CELF2: variants seen among roughly 807,000 people sequenced by gnomAD.
CELF2 encodes the protein CUGBP Elav-like family member 2.
Under a neutral mutation model 62.6 loss-of-function variants are expected in CELF2, and 8 were observed. The observed-to-expected ratio is 0.13, with a 90% CI of 0.07 to 0.23. CELF2 has a LOEUF of 0.23. Ranked by LOEUF, CELF2 falls within the 10% of genes least tolerant of loss-of-function variation. The pLI is 1.00. For missense variants in CELF2, 333 were observed against 671.0 expected (o/e 0.50, Z 5.56); for synonymous variants, 258 against 250.0 (o/e 1.03, Z -0.30).
Position 11,010,457 on chromosome 10 carries a change from G to A in CELF2, c.53+5017G>A, listed in dbSNP as rs2056255827. The stretch of plus-strand genomic sequence containing the variant: ...TAACAAAGATAGGGGTGGGGGTGTT[G>A]AAATAAGGAATAAAAATGAAACTTA... On this transcript the variant is annotated intron_variant, in intron 1 of 12. Coordinates refer to the CELF2 transcript ENST00000416382. The surrounding 1 kb of genome is among the most constrained non-coding windows in gnomAD (Gnocchi z 4.1). 6.6e-6 allele frequency among the ~76,000 whole-genome samples: 1 copy of A among 152,170 alleles called. No individual in the cohort carries two copies. Among genetic ancestry groups the A allele is most frequent in the African/African-American group, 2.4e-5 (1 of 41,430 alleles).
At chr10:10,634,669 T>TTC in the CELF2 span, among the ~76,000 whole-genome samples, 1 of 150,392 alleles carries the variant, frequency 6.6e-6, no homozygotes, top group African/African-American at 2.4e-5. Flanking sequence ...TTCTTTTCTT[T>TTC]TTTTTTTTTT....
In CELF2 at chr10:11,224,156, C is replaced by T. The variant is rs1490716599; in HGVS notation, c.354+6649C>T. On this transcript the variant is annotated intron_variant, in intron 3 of 12. Coordinates refer to ENST00000633077, the MANE Select transcript of CELF2 (RefSeq NM_001326342.2). This position sits in a 1 kb window ranked among gnomAD's most constrained non-coding sequence, Gnocchi z 4.5. Reference sequence around the variant, plus strand: ...ACAGGATTACAGTAGGGAATAGCCACACCACTTTTGGCCTCAGAACCCAGT... The same window carrying T: ...ACAGGATTACAGTAGGGAATAGCCATACCACTTTTGGCCTCAGAACCCAGT... 6.6e-6 allele frequency among the ~76,000 whole-genome samples: 1 copy of T among 152,192 alleles called. No individual in the cohort carries two copies. The highest frequency in any genetic ancestry group is 1.9e-4 in the East Asian group (1 of 5,194).
the CELF2 span, among the ~76,000 whole-genome samples, chr10:10,624,806 T>G: frequency 6.6e-6 from 1 of 152,192 alleles, no homozygotes; most frequent in Non-Finnish European, 1.5e-5. Flanking sequence ...TCTGCACTGC[T>G]GAAATAACTC....
At chr10:10,923,195 C>T (rs1354298664) in intron 2 of CELF2, 3 of 152,140 alleles carry the variant, frequency 2.0e-5, no homozygotes, top group Non-Finnish European at 4.4e-5. Context: ...TTTTTCTGCA[C>T]TTAGTCATAA....
chr10:10,748,609 A>G, the CELF2 span, among the ~76,000 whole-genome samples: 1 of 151,934 alleles, frequency 6.6e-6, no homozygotes, highest in Non-Finnish European at 1.5e-5. Context: ...GTAGCCGGCC[A>G]TGGTCATGGG....
chr10:10,635,206 G>C, the CELF2 span, among the ~76,000 whole-genome samples: 1 of 152,116 alleles, frequency 6.6e-6, no homozygotes, highest in Admixed American at 6.5e-5. Context: ...CACATCATTT[G>C]TCCAGTTGCC....
intron 1 of CELF2, among the ~76,000 whole-genome samples, chr10:10,888,381 G>A (rs2061905766): frequency 6.6e-6 from 1 of 152,110 alleles, no homozygotes; most frequent in Non-Finnish European, 1.5e-5. Context: ...GGATGAGTTG[G>A]GGGAACAGTT....
intron 1 of CELF2, among the ~76,000 whole-genome samples, chr10:11,047,628 T>A (rs1209844594): frequency 6.6e-6 from 1 of 152,186 alleles, no homozygotes; most frequent in Non-Finnish European, 1.5e-5. Flanking sequence ...CTTTTCTGTG[T>A]AGATTCAATA....
chr10:11,210,040 C>G (rs760322072), intron 2 of CELF2, among the ~76,000 whole-genome samples: 4 of 152,206 alleles, frequency 2.6e-5, no homozygotes, highest in Non-Finnish European at 1.5e-5. Context: ...ACTAATTTAG[C>G]CTTCCAGGGC....
At chr10:11,094,987 T>C (rs2049391988) in intron 1 of CELF2, among the ~76,000 whole-genome samples, 1 of 152,218 alleles carries the variant, frequency 6.6e-6, no homozygotes, top group African/African-American at 2.4e-5. Flanking sequence ...ATTACATTTT[T>C]ATATTTTTGG....
chr10:11,023,756 T>G (rs542723256), intron 1 of CELF2, among the ~76,000 whole-genome samples: 1 of 152,262 alleles, frequency 6.6e-6, no homozygotes, highest in South Asian at 2.1e-4. Flanking sequence ...TGAAATGCCT[T>G]GTGAGCGTAT....
the CELF2 span, among the ~76,000 whole-genome samples, chr10:10,475,629 G>C: frequency 6.6e-6 from 1 of 152,034 alleles, no homozygotes; most frequent in Non-Finnish European, 1.5e-5. Flanking sequence ...TGAAGAACAT[G>C]TCATGCAGTA....
At chr10:11,095,421 A>T (rs532398319) in intron 1 of CELF2, among the ~76,000 whole-genome samples, 1 of 152,298 alleles carries the variant, frequency 6.6e-6, no homozygotes, top group South Asian at 2.1e-4. Context: ...CCGTGACTGT[A>T]TGTAGCCGTC....
At chr10:10,965,503 G>A (rs927121538) in intron 2 of CELF2, among the ~76,000 whole-genome samples, 2 of 152,070 alleles carry the variant, frequency 1.3e-5, no homozygotes. Flanking sequence ...TTCAATTCTG[G>A]GCCTGAACCC....
chr10:10,857,951 G>A (rs931954323), intron 1 of CELF2, among the ~76,000 whole-genome samples: 1 of 151,332 alleles, frequency 6.6e-6, no homozygotes, highest in Non-Finnish European at 1.5e-5. Flanking sequence ...TCACTAGATG[G>A]GCTTAACAGC....
intron 3 of CELF2, among the ~76,000 whole-genome samples, chr10:11,245,180 T>G (rs1305347963): frequency 1.3e-5 from 2 of 152,202 alleles, no homozygotes; most frequent in African/African-American, 2.4e-5. Flanking sequence ...ACTTTAAAAC[T>G]TTGAACTAGA....
chr10:10,826,340 T>C (rs1233801372), intron 1 of CELF2, among the ~76,000 whole-genome samples: 1 of 152,216 alleles, frequency 6.6e-6, no homozygotes, highest in Non-Finnish European at 1.5e-5. Flanking sequence ...AATTCACGTA[T>C]ACCACTGTCC....
At chr10:10,740,823 C>T in the CELF2 span, among the ~76,000 whole-genome samples, 1 of 151,962 alleles carries the variant, frequency 6.6e-6, no homozygotes, top group Non-Finnish European at 1.5e-5. Flanking sequence ...GTGAAATAAG[C>T]CACAGAAAGA....
At chr10:11,023,954 T>G (rs1269538511) in intron 1 of CELF2, among the ~76,000 whole-genome samples, 1 of 152,236 alleles carries the variant, frequency 6.6e-6, no homozygotes, top group African/African-American at 2.4e-5. Flanking sequence ...AAATTCAGGT[T>G]TTGGTTAAAT....
Sources: gnomAD v4.1 joint callset for allele counts (sites outside exome capture counted in the v4.1 genomes callset) on GRCh38, gnomAD v4.1.1 for gene constraint, Gnocchi (gnomAD v3.1) non-coding constraint, MANE v1.5 for transcripts, NCBI Gene and HGNC (gene_info 2026-07-23, HGNC 2026-07-21) for gene names.